ARMH3: variants seen among roughly 807,000 people sequenced by gnomAD.
ARMH3 encodes armadillo like helical domain containing 3.
ARMH3 carries 60 observed loss-of-function variants against 99.1 expected under a neutral mutation model. The observed-to-expected ratio is 0.61, with a 90% confidence interval of 0.49 to 0.75. ARMH3 has a LOEUF of 0.75. ARMH3 is among the 30% of genes least tolerant of loss of function. The pLI is 0.00. For missense variants in ARMH3, 679 were observed against 843.1 expected (o/e 0.81, Z 2.41); for synonymous variants, 285 against 292.8 (o/e 0.97, Z 0.27).
intron 4 of ARMH3, among the ~76,000 whole-genome samples, chr10:102,030,998 G>T (rs1004498394): frequency 3.3e-5 from 5 of 151,544 alleles, no homozygotes; most frequent in Non-Finnish European, 5.9e-5. Context: ...ATGTTGGCCA[G>T]GCTGGTATCG....
chr10:102,025,182 G>A lies in ARMH3; in HGVS notation c.481C>T (p.Leu161=). 1.9e-6 allele frequency: 3 copies of A among 1,613,758 alleles called. No individual in the cohort carries two copies. Among genetic ancestry groups the A allele is most frequent in the Non-Finnish European group, 2.5e-6 (3 of 1,179,860 alleles). The change falls in exon 6 of 26, where the codon CTG becomes TTG. Residue 161 remains leucine, a synonymous_variant. Coordinates refer to ENST00000370033, the MANE Select transcript of ARMH3 (RefSeq NM_024541.3). ...GTCACTAAGCAAAGGAGAAGTTTCA[G>A]ACATAAACTCTTCAGACTTTCAGAA... ...EGSESLKSLC[L]KLLLCLVTVT...
chr10:101,859,054 G>A (rs192133704), intron 24 of ARMH3, among the ~76,000 whole-genome samples: 18 of 152,246 alleles, frequency 1.2e-4, no homozygotes, highest in Admixed American at 7.2e-4. Flanking sequence ...TTGCCTTTAC[G>A]GAGCTAACAT....
chr10:101,913,647 T>A (rs957376172), intron 23 of ARMH3, among the ~76,000 whole-genome samples: 1 of 152,208 alleles, frequency 6.6e-6, no homozygotes, highest in Non-Finnish European at 1.5e-5. Context: ...ATTATAGGCG[T>A]AAGCCACTGC....
chr10:101,973,878 A>G (rs956285817), intron 20 of ARMH3, among the ~76,000 whole-genome samples: 1 of 152,216 alleles, frequency 6.6e-6, no homozygotes, highest in Non-Finnish European at 1.5e-5. Flanking sequence ...AACTATACCA[A>G]CATCTGAAGA....
chr10:101,903,507 C>A (rs961670800), intron 23 of ARMH3, among the ~76,000 whole-genome samples: 6 of 152,134 alleles, frequency 3.9e-5, no homozygotes, highest in African/African-American at 1.4e-4. Flanking sequence ...GGGTGCTTAG[C>A]CCAACCTGCA....
chr10:101,931,418 G>A lies in ARMH3; in HGVS notation c.1781+8445C>T, dbSNP rs1007949808. Among the ~76,000 whole-genome samples, 4 of 152,052 alleles carry A rather than the reference G, an allele frequency of 2.6e-5. No homozygotes were observed. In the East Asian group the frequency reaches 5.8e-4, roughly 22 times the overall value. On this transcript the variant is annotated intron_variant, in intron 23 of 25. Coordinates refer to ENST00000370033, the MANE Select transcript of ARMH3 (RefSeq NM_024541.3). Reference sequence around the variant, plus strand: ...TGGGCACCGATAATCCTGGCTACTCGGGAGGCTGAGGCAGGAGAATCGCTT... The same window carrying A: ...TGGGCACCGATAATCCTGGCTACTCAGGAGGCTGAGGCAGGAGAATCGCTT...
chr10:101,971,796 T>C (rs1278599914), intron 20 of ARMH3, among the ~76,000 whole-genome samples: 2 of 152,182 alleles, frequency 1.3e-5, no homozygotes, highest in Admixed American at 6.5e-5. Context: ...ACTATTTCAG[T>C]ATGATCTTAT....
intron 22 of ARMH3, among the ~76,000 whole-genome samples, chr10:101,941,320 G>A (rs779463305): frequency 6.6e-5 from 10 of 152,254 alleles, no homozygotes; most frequent in South Asian, 4.1e-4. Flanking sequence ...TAGTAAATAA[G>A]TTTTAGCTAT....
intron 24 of ARMH3, among the ~76,000 whole-genome samples, chr10:101,856,750 C>G (rs1342259460): frequency 1.3e-5 from 2 of 152,038 alleles, no homozygotes; most frequent in African/African-American, 4.8e-5. Flanking sequence ...TTTTTTGAAC[C>G]CATTTCTTCC....
chr10:101,885,191 A>C (rs1564719967), intron 24 of ARMH3, among the ~76,000 whole-genome samples: 1 of 152,208 alleles, frequency 6.6e-6, no homozygotes, highest in Non-Finnish European at 1.5e-5. Flanking sequence ...TGGGATGTAA[A>C]ATGGTACAGC....
chr10:102,008,533 TTATTTTGTTA>T (rs1370513503), intron 13 of ARMH3, among the ~76,000 whole-genome samples: 2 of 151,636 alleles, frequency 1.3e-5, no homozygotes, highest in Admixed American at 6.6e-5. Context: ...TTATTTTGTT[TTATTTTGTTA>T]TGTTTTGTTT....
chr10:101,855,776 T>C (rs925900431), intron 24 of ARMH3, among the ~76,000 whole-genome samples: 1 of 146,180 alleles, frequency 6.8e-6, no homozygotes, highest in Admixed American at 6.9e-5. Context: ...ATAAATATAT[T>C]ATATATATAT....
At chr10:101,859,074 G>T (rs969794383) in intron 24 of ARMH3, among the ~76,000 whole-genome samples, 1 of 152,194 alleles carries the variant, frequency 6.6e-6, no homozygotes, top group Non-Finnish European at 1.5e-5. Context: ...TGCAAACTGA[G>T]GAATCAAGAT....
At chr10:102,042,359 T>C (rs944963875) in intron 1 of ARMH3, among the ~76,000 whole-genome samples, 1 of 152,214 alleles carries the variant, frequency 6.6e-6, no homozygotes, top group Admixed American at 6.5e-5. Flanking sequence ...CTTCTGAGGA[T>C]TTATAATTGG....
intron 25 of ARMH3, among the ~76,000 whole-genome samples, chr10:101,848,695 T>C (rs566290110): frequency 6.6e-6 from 1 of 152,280 alleles, no homozygotes; most frequent in African/African-American, 2.4e-5. Flanking sequence ...GGAACAAATA[T>C]GAGCAGAACT....
Position 101,889,370 on chromosome 10 carries a change from C to T in ARMH3, c.1860+42G>A, listed in dbSNP as rs749370154. 3 of 1,554,458 alleles carry T rather than the reference C, an allele frequency of 1.9e-6. No individual in the cohort carries two copies. The East Asian group carries it at 6.7e-5, about 35-fold the overall frequency. On this transcript the variant is annotated intron_variant, in intron 24 of 25. Transcript: ENST00000370033. ...ATCAGAGAGAAGGCAACTGCTTGATCCTAGCCACCAACTAGGTCATCTGGG... is the reference window on the plus strand; with the variant it reads ...ATCAGAGAGAAGGCAACTGCTTGATTCTAGCCACCAACTAGGTCATCTGGG...
intron 24 of ARMH3, among the ~76,000 whole-genome samples, chr10:101,855,611 T>G (rs1046560571): frequency 6.6e-6 from 1 of 150,902 alleles, no homozygotes; most frequent in Admixed American, 6.6e-5. Flanking sequence ...AGTGGCATAA[T>G]CACAGCTCAC....
chr10:102,031,631 A>T (rs2067133145), intron 4 of ARMH3, among the ~76,000 whole-genome samples: 1 of 152,280 alleles, frequency 6.6e-6, no homozygotes, highest in African/African-American at 2.4e-5. Context: ...GCCATTCTAC[A>T]GATGAGAAAA....
At position 102,053,704 on chromosome 10, in the gene ARMH3, G is replaced by A. The variant is rs1256538868; in HGVS notation, c.-12+2381C>T. 4.0e-5 allele frequency among the ~76,000 whole-genome samples: 6 copies of A among 150,064 alleles called. No homozygotes were observed. In the South Asian group the frequency reaches 8.4e-4, roughly 21 times the overall value. ...AGAGGGAGTCTCGCTCTGTCGCCCA[G>A]GCTGGAGTGCAGTGGCACCATCCCG... On this transcript the variant is annotated intron_variant, in intron 1 of 25. Coordinates refer to ENST00000370033, the MANE Select transcript of ARMH3 (RefSeq NM_024541.3).
Sources: allele counts gnomAD v4.1 joint callset (sites outside exome capture counted in the v4.1 genomes callset), GRCh38; gene constraint gnomAD v4.1.1; transcripts MANE v1.5; gene names NCBI Gene and HGNC (gene_info 2026-07-23, HGNC 2026-07-21).